The following VAMP4 variants were observed in gnomAD, a reference collection of about 807,000 sequenced individuals.
VAMP4 encodes vesicle-associated membrane protein 4.
Under a neutral mutation model 23.5 loss-of-function variants are expected in VAMP4, and 19 were observed. The observed-to-expected ratio is 0.81, with a 90% CI of 0.56 to 1.19. The LOEUF is 1.19. Among genes scored for constraint, VAMP4 ranks in the 50% most tolerant of loss-of-function variants. VAMP4 has a pLI of 0.00. For synonymous variants in VAMP4, 31 were observed against 51.0 expected (o/e 0.61, Z 1.67); for missense variants, 145 against 168.6 (o/e 0.86, Z 0.78).
In VAMP4 at chr1:171,704,468, G is replaced by T; in HGVS notation, c.*38C>A. On this transcript the variant is annotated 3_prime_UTR_variant, in exon 8 of 8. Coordinates refer to ENST00000236192, the MANE Select transcript of VAMP4 (RefSeq NM_003762.5). ...AATTATGCAGCAATCTTTTATTACT[G>T]TCCCAGATCTTGTTTAATGAAGATC... is the stretch of plus-strand genomic sequence containing the variant. 2 of 1,541,888 alleles carry T rather than the reference G, an allele frequency of 1.3e-6. No individual in the cohort carries two copies. The highest frequency in any genetic ancestry group is 1.8e-6 in the Non-Finnish European group (2 of 1,136,362).
chr1:171,705,904 A>G (rs1233261996), intron 7 of VAMP4, among the ~76,000 whole-genome samples: 1 of 152,112 alleles, frequency 6.6e-6, no homozygotes, highest in East Asian at 1.9e-4. Flanking sequence ...AGAACAAAAC[A>G]AAAACCAAAC....
intron 2 of VAMP4, among the ~76,000 whole-genome samples, chr1:171,731,691 A>C (rs957464866): frequency 8.5e-5 from 13 of 152,214 alleles, no homozygotes; most frequent in Admixed American, 2.6e-4. Flanking sequence ...GTCCCTATTT[A>C]ATAACAAAAA....
intron 2 of VAMP4, among the ~76,000 whole-genome samples, chr1:171,729,186 A>G (rs916324899): frequency 6.6e-6 from 1 of 152,254 alleles, no homozygotes. Flanking sequence ...AAAGGTGACT[A>G]AAGAAGAGCA....
Position 171,738,336 on chromosome 1 carries a change from A to G in VAMP4, c.66+13T>C. The G allele has an allele frequency of 6.2e-7, 1 of 1,613,158 alleles. No homozygotes were observed. The highest frequency in any genetic ancestry group is 8.5e-7 in the Non-Finnish European group (1 of 1,179,602). On this transcript the variant is annotated intron_variant, in intron 2 of 7. Transcript: ENST00000236192. ...GAATCTTTTGTTTTTAAAGCTTAAGATTCCGAACTTACCCTTTCACTTTTC... is the reference window on the plus strand; with the variant it reads ...GAATCTTTTGTTTTTAAAGCTTAAGGTTCCGAACTTACCCTTTCACTTTTC...
chr1:171,728,823 G>A (rs1378875805), intron 2 of VAMP4, among the ~76,000 whole-genome samples: 1 of 152,184 alleles, frequency 6.6e-6, no homozygotes, highest in Non-Finnish European at 1.5e-5. Flanking sequence ...CACTGAAGCT[G>A]GTATGGGAGT....
chr1:171,705,827 A>G lies in VAMP4; in HGVS notation c.397+540T>C, dbSNP rs1316233812. On this transcript the variant is annotated intron_variant, in intron 7 of 7. Coordinates refer to ENST00000236192, the MANE Select transcript of VAMP4 (RefSeq NM_003762.5). ...GATATTTAAAATGATCTGATTTTTAAAAGAACATTAAGGGAAAAAGGACGG... is the reference window on the plus strand; with the variant it reads ...GATATTTAAAATGATCTGATTTTTAGAAGAACATTAAGGGAAAAAGGACGG... Among the ~76,000 whole-genome samples, 3 of 152,300 alleles carry G rather than the reference A, an allele frequency of 2.0e-5. No homozygotes were observed. The East Asian group carries it at 5.8e-4, about 29-fold the overall frequency.
At position 171,703,417 on chromosome 1, in the gene VAMP4, GTTTGTGTGTATATATATA is replaced by G. The variant is rs1358357143; in HGVS notation, c.*1071_*1088del. On this transcript the variant is annotated 3_prime_UTR_variant, in exon 8 of 8. Transcript: ENST00000236192. The stretch of plus-strand genomic sequence containing the variant: ...CGTGTGTGTGTGTGTGTGTGTGTGT[GTTTGTGTGTATATATATA>G]TATATATATATATATATATATATAT... 1 of 98,710 alleles carries G rather than the reference GTTTGTGTGTATATATATA, an allele frequency of 1.0e-5. No homozygotes were observed. Among genetic ancestry groups the G allele is most frequent in the African/African-American group, 3.9e-5 (1 of 25,360 alleles). The allele number at this position is 98,710 out of a possible 1,614,324, so 6.1% of individuals were successfully genotyped here. A position where few individuals can be genotyped will look rare whatever the true frequency, so the allele number is the denominator to read the frequency against.
chr1:171,724,765 A>G (rs1473763444), intron 3 of VAMP4, among the ~76,000 whole-genome samples: 1 of 152,186 alleles, frequency 6.6e-6, no homozygotes, highest in Admixed American at 6.5e-5. Context: ...AGCCAAAAGA[A>G]CTTTCAAAAG....
chr1:171,735,256 AG>A (rs1430258086), intron 2 of VAMP4, among the ~76,000 whole-genome samples: 2 of 152,262 alleles, frequency 1.3e-5, no homozygotes, highest in African/African-American at 4.8e-5. Flanking sequence ...AAATAGTTTC[AG>A]TTTAAAATCA....
intron 3 of VAMP4, among the ~76,000 whole-genome samples, 161 bp downstream of exon 3, chr1:171,728,363 A>C (rs953163662): frequency 1.3e-5 from 2 of 151,912 alleles, no homozygotes; most frequent in African/African-American, 4.8e-5. Flanking sequence ...ACAACGTGCT[A>C]CTCTCTGTGT....
intron 3 of VAMP4, among the ~76,000 whole-genome samples, chr1:171,725,293 T>C (rs1257151332): frequency 1.3e-5 from 2 of 152,202 alleles, no homozygotes; most frequent in African/African-American, 2.4e-5. Context: ...ATAAATTCCA[T>C]TTATGTATTC....
intron 1 of VAMP4, among the ~76,000 whole-genome samples, chr1:171,739,664 T>C (rs1044181972): frequency 6.6e-6 from 1 of 152,148 alleles, no homozygotes; most frequent in Admixed American, 6.5e-5. Context: ...AGGTATACAG[T>C]ATCAGAATTG....
chr1:171,722,070 G>A (rs1655214228), intron 3 of VAMP4, among the ~76,000 whole-genome samples: 1 of 152,084 alleles, frequency 6.6e-6, no homozygotes, highest in African/African-American at 2.4e-5. Context: ...TAGACCAATG[G>A]AACAGAATAG....
rs1655110710 is a variant in VAMP4, at chr1:171,719,184, C to A, written c.151G>T (p.Asp51Tyr). 5 of 1,611,282 alleles carry A rather than the reference C, an allele frequency of 3.1e-6. No individual in the cohort carries two copies. Among genetic ancestry groups the A allele is most frequent in the African/African-American group, 2.7e-5 (2 of 74,746 alleles). The change falls in exon 4 of 8, where the codon GAT becomes TAT. Residue 51 changes from aspartate (D) to tyrosine (Y), a missense_variant. By Grantham distance (160) the Asp-to-Tyr change is radical. Coordinates refer to ENST00000236192, the MANE Select transcript of VAMP4 (RefSeq NM_003762.5). The stretch of plus-strand genomic sequence containing the variant: ...AACAAAACTTACTGCTTAATTTTAT[C>A]ATTTCTAGGTCCAAATCTTGGTCCA... The part of the protein sequence containing the change: ...PSGPRFGPRN[D>Y]KIKHVQNQVD...
At position 171,740,706 on chromosome 1, in the gene VAMP4, ATTATC is replaced by A. The variant is rs377390286; in HGVS notation, c.-50+1199_-50+1203del. Among the ~76,000 whole-genome samples the A allele has an allele frequency of 8.2e-3, 1,242 of 152,324 alleles. 12 individuals are homozygous for A. Among genetic ancestry groups the A allele is most frequent in the African/African-American group, 0.029 (1,197 of 41,562 alleles). ...TACTGAAGAACTTGTGCTTTTAACT[ATTATC>A]TGTATTTAGATTTTAACCCCTGCAA... On this transcript the variant is annotated intron_variant, in intron 1 of 7. Transcript: ENST00000236192.
intron 3 of VAMP4, among the ~76,000 whole-genome samples, chr1:171,720,604 A>G (rs1014625403): frequency 6.6e-6 from 1 of 152,034 alleles, no homozygotes; most frequent in Non-Finnish European, 1.5e-5. Context: ...AGCTAAGTGA[A>G]GCGTAGATAG....
chr1:171,741,352 A>G (rs1655918779), intron 1 of VAMP4, among the ~76,000 whole-genome samples: 1 of 152,146 alleles, frequency 6.6e-6, no homozygotes, highest in Non-Finnish European at 1.5e-5. Context: ...ACAGAAATAA[A>G]GTGACTTGGA....
intron 3 of VAMP4, 113 bp from the exon 4 acceptor site, chr1:171,719,334 G>C: frequency 3.6e-6 from 3 of 840,674 alleles, no homozygotes; most frequent in South Asian, 4.1e-5. Flanking sequence ...TCTAAACATG[G>C]ATCAGTTATT....
chr1:171,729,193 A>G (rs1469034123), intron 2 of VAMP4, among the ~76,000 whole-genome samples: 12 of 152,218 alleles, frequency 7.9e-5, no homozygotes, highest in Non-Finnish European at 1.5e-4. Context: ...ACTAAAGAAG[A>G]GCAAAACCCA....
Sources: allele counts gnomAD v4.1 joint callset (sites outside exome capture counted in the v4.1 genomes callset), GRCh38; gene constraint gnomAD v4.1.1; transcripts MANE v1.5; gene names NCBI Gene and HGNC (gene_info 2026-07-23, HGNC 2026-07-21).